The following SBF1 variants were observed in gnomAD, a reference collection of about 807,000 sequenced individuals.
SBF1 encodes the protein SET binding factor 1.
A neutral mutation model predicts 215.8 loss-of-function variants in SBF1; 65 were observed. The observed-to-expected ratio is 0.30, with a 90% CI of 0.25 to 0.37. The LOEUF is 0.37. Among genes scored for constraint, SBF1 ranks in the 10% least tolerant of loss-of-function variants. SBF1 has a pLI of 1.00. For missense variants in SBF1, 2,634 were observed against 2,667.8 expected, an observed-to-expected ratio of 0.99 and a Z score of 0.28; for synonymous variants, 1,410 against 1,122.8, an observed-to-expected ratio of 1.26 and a Z score of -5.11.
intron 1 of SBF1, among the ~76,000 whole-genome samples, chr22:50,470,452 C>T (rs1265258990): frequency 2.0e-5 from 3 of 152,138 alleles, no homozygotes; most frequent in Admixed American, 6.5e-5. Context: ...CTCCAAAGAG[C>T]CAGCCCTGAG....
chr22:50,457,147 C>G (rs1427423133), intron 28 of SBF1, 36 bp from the exon 29 acceptor site: 4 of 1,430,428 alleles, frequency 2.8e-6, no homozygotes, highest in Non-Finnish European at 3.7e-6. Flanking sequence ...CAGGCCTAGC[C>G]CCAGGCCTGG....
intron 15 of SBF1, among the ~76,000 whole-genome samples, 162 bp downstream of exon 15, chr22:50,464,167 G>A (rs2067646728): frequency 2.0e-5 from 3 of 152,176 alleles, no homozygotes; most frequent in Admixed American, 6.5e-5. Context: ...CAAGAGAGGA[G>A]ACCTGGAGCC....
In SBF1 at chr22:50,462,764, C is replaced by T. The variant is rs540427578; in HGVS notation, c.1969-47G>A. 8.1e-6 allele frequency: 13 copies of T among 1,608,206 alleles called. No individual in the cohort carries two copies. The East Asian group carries it at 8.9e-5, about 11-fold the overall frequency. ...GTCAGCTGGATGCAGCCAGGAAGGG[C>T]GGCTGGGAAGGAGACCTCGGCCACC... is the stretch of plus-strand genomic sequence containing the variant. On this transcript the variant is annotated intron_variant, in intron 17 of 40. Coordinates refer to ENST00000380817, the MANE Select transcript of SBF1 (RefSeq NM_002972.4).
intron 31 of SBF1, 160 bp downstream of exon 31, chr22:50,456,056 C>G: frequency 1.3e-6 from 1 of 766,622 alleles, no homozygotes; most frequent in Non-Finnish European, 2.0e-6. Flanking sequence ...AGCCTCCCAG[C>G]TGCCTTCTAG....
At position 50,457,025 on chromosome 22, in the gene SBF1, G is replaced by C. The variant is rs773333686; in HGVS notation, c.3904+9C>G. The C allele has an allele frequency of 7.0e-7, 1 of 1,428,570 alleles. No individual in the cohort carries two copies. The highest frequency in any genetic ancestry group is 2.9e-5 in the East Asian group (1 of 34,824). The allele number at this position is 1,428,570 out of a possible 1,614,324, so 88.5% of individuals were successfully genotyped here. On this transcript the variant is annotated intron_variant, in intron 29 of 40. Transcript: ENST00000380817. ...GGGGAGGCGGGCCTGCGCAGGCTCG[G>C]TACGGTACCTCGGGGTGCGGTCCGT...
At position 50,467,605 on chromosome 22, in the gene SBF1, G is replaced by T; in HGVS notation, c.365C>A (p.Ala122Asp). Reference protein sequence around the residue: ...GQTHLSPTAPAPSAQLFAPKT... With the variant: ...GQTHLSPTAPDPSAQLFAPKT... ...CGGTGCAAACAGCTGGGCAGATGGG[G>T]CAGGTGCTGTGGGAGACAGGTGGGT... Residue 122 changes from alanine to aspartate, a missense_variant, in exon 4 of 41, where the codon GCC becomes GAC. By Grantham distance (126) the Ala-to-Asp change is moderately radical. Transcript: ENST00000380817. 6.2e-7 allele frequency: 1 copy of T among 1,614,158 alleles called. No homozygotes were observed. The highest frequency in any genetic ancestry group is 8.5e-7 in the Non-Finnish European group (1 of 1,180,008).
chr22:50,465,028 T>C lies in SBF1; in HGVS notation c.1305A>G (p.Pro435=). 1 of 1,613,928 alleles carries C rather than the reference T, an allele frequency of 6.2e-7. No individual in the cohort carries two copies. The highest frequency in any genetic ancestry group is 8.5e-7 in the Non-Finnish European group (1 of 1,179,942). The change falls in exon 12 of 41, where the codon CCA becomes CCG. Residue 435 remains proline, a synonymous_variant. Coordinates refer to ENST00000380817, the MANE Select transcript of SBF1 (RefSeq NM_002972.4). The part of the protein sequence containing the change: ...FAGFVSERGV[P]YRPTDLFDEL... ...CATCGAACAGGTCCGTAGGGCGGTATGGGACCCCACGCTCTGACACAAAGC... is the reference window on the plus strand; with the variant it reads ...CATCGAACAGGTCCGTAGGGCGGTACGGGACCCCACGCTCTGACACAAAGC...
intron 36 of SBF1, 64 bp from the exon 37 acceptor site, chr22:50,448,714 C>T (rs2066931068): frequency 7.5e-7 from 1 of 1,335,890 alleles, no homozygotes; most frequent in Middle Eastern, 1.8e-4. Context: ...CACGAAAAGA[C>T]AAAAGGAAAA....
intron 1 of SBF1, among the ~76,000 whole-genome samples, chr22:50,473,532 T>C (rs932463885): frequency 1.3e-5 from 2 of 152,052 alleles, no homozygotes; most frequent in Non-Finnish European, 2.9e-5. Context: ...CACACTTGGA[T>C]AGACATGAGC....
intron 15 of SBF1, among the ~76,000 whole-genome samples, chr22:50,463,975 G>A (rs147503104): frequency 3.3e-5 from 5 of 152,304 alleles, no homozygotes; most frequent in Non-Finnish European, 5.9e-5. Flanking sequence ...AACAGGTCAC[G>A]TATGGAGGGA....
Position 50,466,339 on chromosome 22 carries a change from G to A in SBF1, c.788+11C>T. The A allele has an allele frequency of 6.3e-7, 1 of 1,584,812 alleles. No homozygotes were observed. The highest frequency in any genetic ancestry group is 1.1e-5 in the South Asian group (1 of 88,004). On this transcript the variant is annotated intron_variant, in intron 7 of 40. Transcript: ENST00000380817. ...CAGGAGAAGGGGCTGGGAGGGCCGG[G>A]CAGGGGTCACCTGTATCTGAGAGGA...
At chr22:50,457,837 A>G (rs1404052598) in intron 28 of SBF1, among the ~76,000 whole-genome samples, 1 of 152,188 alleles carries the variant, frequency 6.6e-6, no homozygotes, top group Non-Finnish European at 1.5e-5. Flanking sequence ...GGACTGAGAG[A>G]GGCAATGTCC....
chr22:50,454,761 T>A lies in SBF1; in HGVS notation c.4813-19A>T. 6.3e-7 allele frequency: 1 copy of A among 1,592,208 alleles called. No individual in the cohort carries two copies. The highest frequency in any genetic ancestry group is 8.5e-7 in the Non-Finnish European group (1 of 1,172,004). On this transcript the variant is annotated intron_variant, in intron 35 of 40. Coordinates refer to ENST00000380817, the MANE Select transcript of SBF1 (RefSeq NM_002972.4). ...GCAGGACCTGAGGGTGGGCCTGTGG[T>A]TGAGGACCTGGGTCGGGCAGGAGCC...
intron 36 of SBF1, among the ~76,000 whole-genome samples, chr22:50,449,656 A>ACAC (rs1026571113): frequency 2.7e-5 from 4 of 148,344 alleles, no homozygotes; most frequent in African/African-American, 1.0e-4. Context: ...ACACACACAC[A>ACAC]CCCCAAAATG....
chr22:50,462,258 C>G lies in SBF1; in HGVS notation c.2343G>C (p.Glu781Asp), dbSNP rs745455990. 6.2e-7 allele frequency: 1 copy of G among 1,610,922 alleles called. No individual in the cohort carries two copies. The highest frequency in any genetic ancestry group is 8.5e-7 in the Non-Finnish European group (1 of 1,179,988). ...TCTCCAGGTCGCCCAGCCCGGCACGCTCCCGAAGTAGGCGGCTCTTGCTGC... is the reference window on the plus strand; with the variant it reads ...TCTCCAGGTCGCCCAGCCCGGCACGGTCCCGAAGTAGGCGGCTCTTGCTGC... The part of the protein sequence containing the change: ...LDSSKSRLLR[E>D]RAGLGDLESA... Residue 781 changes from glutamate to aspartate, a missense_variant, in exon 19 of 41, where the codon GAG becomes GAC. Coordinates refer to ENST00000380817, the MANE Select transcript of SBF1 (RefSeq NM_002972.4).
At chr22:50,461,088 C>T (rs901092537) in intron 23 of SBF1, 71 bp downstream of exon 23, 7 of 1,519,598 alleles carry the variant, frequency 4.6e-6, no homozygotes, top group East Asian at 2.3e-5. Flanking sequence ...ATGGTTCATA[C>T]AAGAAAGACC....
intron 9 of SBF1, 34 bp from the exon 10 acceptor site, chr22:50,465,874 C>A (rs2067729645): frequency 1.9e-6 from 3 of 1,612,422 alleles, no homozygotes. Flanking sequence ...CAGCTGCACG[C>A]TGGCCCCGGC....
chr22:50,472,203 C>A (rs891808995), intron 1 of SBF1, among the ~76,000 whole-genome samples: 2 of 152,190 alleles, frequency 1.3e-5, no homozygotes, highest in African/African-American at 4.8e-5. Context: ...ACGGCCAGCA[C>A]AGGCATTTAC....
At chr22:50,452,701 G>C (rs1436950127) in intron 36 of SBF1, among the ~76,000 whole-genome samples, 4 of 132,974 alleles carry the variant, frequency 3.0e-5, no homozygotes, top group Non-Finnish European at 6.2e-5. Flanking sequence ...CAGCCTGGGT[G>C]ACTGAGGGAG....
Sources: gnomAD v4.1 joint callset for allele counts (sites outside exome capture counted in the v4.1 genomes callset) on GRCh38, gnomAD v4.1.1 for gene constraint, MANE v1.5 for transcripts, NCBI Gene and HGNC (gene_info 2026-07-23, HGNC 2026-07-21) for gene names.